The following MBP variants were observed in gnomAD, a reference collection of about 807,000 sequenced individuals.
The protein encoded by MBP is Golli-MBP.
A neutral mutation model predicts 35.8 loss-of-function variants in MBP; 16 were observed. That is an observed-to-expected ratio of 0.45 (90% CI 0.30 to 0.68). The LOEUF is 0.68. Ranked by LOEUF, MBP falls within the 30% of genes least tolerant of loss-of-function variation. The pLI, the probability that MBP is intolerant of heterozygous loss-of-function variation, is 0.08. For missense variants in MBP, 380 were observed against 404.7 expected (o/e 0.94, Z 0.52); for synonymous variants, 143 against 159.6 (o/e 0.90, Z 0.78).
At chr18:77,028,066 T>C (rs912648126) in intron 3 of MBP, among the ~76,000 whole-genome samples, 1 of 148,890 alleles carries the variant, frequency 6.7e-6, no homozygotes, top group Non-Finnish European at 1.5e-5. Context: ...CATAGGACAA[T>C]AGTGGAGGGA....
At chr18:77,052,748 C>T (rs1973546382) in intron 3 of MBP, among the ~76,000 whole-genome samples, 1 of 152,226 alleles carries the variant, frequency 6.6e-6, no homozygotes, top group Non-Finnish European at 1.5e-5. Context: ...CCACTATCCT[C>T]GCCTTGGGAT....
intron 2 of MBP, among the ~76,000 whole-genome samples, chr18:77,100,073 T>C (rs1023294427): frequency 3.3e-5 from 5 of 152,228 alleles, no homozygotes; most frequent in African/African-American, 1.2e-4. Context: ...CCTGAATCTA[T>C]ACGTGGATGT....
chr18:76,991,116 C>T (rs781495860), intron 4 of MBP, among the ~76,000 whole-genome samples: 4 of 152,152 alleles, frequency 2.6e-5, no homozygotes, highest in East Asian at 1.9e-4. Flanking sequence ...GGCTTTGACG[C>T]GGCTGCATAA....
rs540306640 is a variant in MBP, at chr18:77,131,859, C to A, written c.-26+721G>T. On this transcript the variant is annotated intron_variant, in intron 1 of 8. Transcript: ENST00000355994. This position sits in a 1 kb window ranked among gnomAD's most constrained non-coding sequence, Gnocchi z 5.5. ...GGGCGGGCCGGCGGGCGGCTGCGGG[C>A]GGCGCACGTGGGCCCAGGTGGGCGC... Among the ~76,000 whole-genome samples the A allele has an allele frequency of 2.0e-5, 3 of 152,046 alleles. No individual in the cohort carries two copies. The highest frequency in any genetic ancestry group is 7.2e-5 in the African/African-American group (3 of 41,524).
At chr18:77,112,349 C>A (rs1035326315) in intron 1 of MBP, among the ~76,000 whole-genome samples, 1 of 152,216 alleles carries the variant, frequency 6.6e-6, no homozygotes, top group South Asian at 2.1e-4. Flanking sequence ...CACACACCTG[C>A]GGGAGGTCGG....
At chr18:77,052,030 G>A (rs564609026) in intron 3 of MBP, among the ~76,000 whole-genome samples, 10 of 152,316 alleles carry the variant, frequency 6.6e-5, no homozygotes, top group South Asian at 4.1e-4. Flanking sequence ...GAAGCCGTGC[G>A]GCAGCACTGG....
At chr18:77,104,348 A>G (rs1976170762) in intron 2 of MBP, among the ~76,000 whole-genome samples, 1 of 152,184 alleles carries the variant, frequency 6.6e-6, no homozygotes, top group Admixed American at 6.5e-5. Flanking sequence ...TCTCTGGGAG[A>G]TTCCAATATG....
rs867890754 is a variant in MBP at position 77,131,032 on chromosome 18, A to C, written c.-26+1548T>G. On this transcript the variant is annotated intron_variant, in intron 1 of 8. Transcript: ENST00000355994. This position sits in a 1 kb window ranked among gnomAD's most constrained non-coding sequence, Gnocchi z 5.5. ...AGATTTCTGTTTTTCCCACAAAAAA[A>C]AAAAAAAAACAAAACCTCAAAAAAC... 0.26 allele frequency among the ~76,000 whole-genome samples: 39,142 copies of C among 149,176 alleles called. 5,472 individuals are homozygous for C. Among genetic ancestry groups the C allele is most frequent in the Middle Eastern group, 0.36 (106 of 294 alleles).
intron 4 of MBP, among the ~76,000 whole-genome samples, chr18:76,997,964 G>A (rs548651917): frequency 2.0e-5 from 3 of 152,162 alleles, no homozygotes; most frequent in East Asian, 1.9e-4. Flanking sequence ...TTACAGGCGT[G>A]AGCCACCACG....
chr18:77,038,970 A>T (rs745662837), intron 3 of MBP, among the ~76,000 whole-genome samples: 1 of 152,228 alleles, frequency 6.6e-6, no homozygotes, highest in Non-Finnish European at 1.5e-5. Flanking sequence ...TCTGGCCCAT[A>T]TGTTTTTGTA....
chr18:77,100,984 G>A (rs1975984947), intron 2 of MBP, among the ~76,000 whole-genome samples: 1 of 152,194 alleles, frequency 6.6e-6, no homozygotes, highest in African/African-American at 2.4e-5. Context: ...AAAGCCACAA[G>A]CAGCCTGGCA....
chr18:77,107,710 C>T (rs780864041), intron 1 of MBP, among the ~76,000 whole-genome samples: 4 of 152,140 alleles, frequency 2.6e-5, no homozygotes, highest in South Asian at 4.1e-4. Flanking sequence ...CTCTAGGTTA[C>T]GCTTGGGATG....
At chr18:77,085,831 T>C (rs1476996576) in intron 2 of MBP, among the ~76,000 whole-genome samples, 1 of 151,946 alleles carries the variant, frequency 6.6e-6, no homozygotes, top group Non-Finnish European at 1.5e-5. Context: ...ATTACAGGCG[T>C]CCACCACCAC....
chr18:77,056,127 G>A (rs1283743555), intron 3 of MBP, among the ~76,000 whole-genome samples: 1 of 150,334 alleles, frequency 6.7e-6, no homozygotes, highest in South Asian at 2.1e-4. Flanking sequence ...CCTGTTATCC[G>A]TGACCCCGTG....
At chr18:76,981,481 C>T (rs1969197545) in intron 8 of MBP, 1 of 152,186 alleles carries the variant, frequency 6.6e-6, no homozygotes, top group African/African-American at 2.4e-5. Flanking sequence ...GCTAACAGAC[C>T]AAGGTGACAG....
At chr18:77,014,364 G>A (rs1433527891) in intron 4 of MBP, 4 of 985,304 alleles carry the variant, frequency 4.1e-6, no homozygotes, top group Middle Eastern at 1.0e-3. Context: ...TCATGGGGGG[G>A]CTCCACTCAG....
At chr18:76,986,613 G>T in intron 7 of MBP, 1 of 985,564 alleles carries the variant, frequency 1.0e-6, no homozygotes, top group Non-Finnish European at 1.2e-6. Context: ...TGGCAAGAAG[G>T]TCTAAGCACT....
chr18:77,048,128 T>G (rs1270367781), intron 3 of MBP, among the ~76,000 whole-genome samples: 1 of 152,228 alleles, frequency 6.6e-6, no homozygotes, highest in Non-Finnish European at 1.5e-5. Flanking sequence ...TAATCTCCAC[T>G]GGGAAGGCCC....
intron 2 of MBP, among the ~76,000 whole-genome samples, chr18:77,075,934 AC>A (rs1306699466): frequency 2.0e-5 from 3 of 152,244 alleles, no homozygotes; most frequent in African/African-American, 7.2e-5. Flanking sequence ...TCTGGAGGCA[AC>A]GGGCATAAAA....
Sources: allele counts gnomAD v4.1 joint callset (sites outside exome capture counted in the v4.1 genomes callset), GRCh38; gene constraint gnomAD v4.1.1; non-coding constraint Gnocchi (gnomAD v3.1); transcripts MANE v1.5; gene names NCBI Gene and HGNC (gene_info 2026-07-23, HGNC 2026-07-21).